KIF2C: variants seen among roughly 807,000 people sequenced by gnomAD.
The protein encoded by KIF2C is kinesin-like protein KIF2C.
A neutral mutation model predicts 97.4 loss-of-function variants in KIF2C; 34 were observed. The ratio of observed to expected loss-of-function variants is 0.35; its 90% CI spans 0.27 to 0.46. The LOEUF (loss-of-function observed/expected upper bound fraction) is 0.46, where lower values mean the gene tolerates loss of function less well. Ranked by LOEUF, KIF2C falls within the 20% of genes least tolerant of loss-of-function variation. The probability of loss-of-function intolerance (pLI) is 1.00; values close to 1 mark genes in which losing one functional copy is unlikely to be tolerated. For synonymous variants in KIF2C, 313 were observed against 318.2 expected, an observed-to-expected ratio of 0.98 and a Z score of 0.17; for missense variants, 750 against 907.6, an observed-to-expected ratio of 0.83 and a Z score of 2.23.
chr1:44,759,278 G>A lies in KIF2C; in HGVS notation c.1297G>A (p.Gly433Arg), dbSNP rs1251999570. ...CGGCAAGCAACAGGTGCAAGTGGTG[G>A]GGCTGCAGGAGCATCTGGTTAACTC... ...EDGKQQVQVV[G>R]LQEHLVNSAD... The change falls in exon 14 of 21, where the codon GGG becomes AGG. Residue 433 changes from glycine to arginine, a missense_variant. Physicochemically the swap from Gly to Arg is moderately radical, Grantham distance 125. Transcript: ENST00000372224. 6.2e-7 allele frequency: 1 copy of A among 1,614,070 alleles called. No homozygotes were observed. The highest frequency in any genetic ancestry group is 2.2e-5 in the East Asian group (1 of 44,898).
intron 1 of KIF2C, 29 bp downstream of exon 1, chr1:44,740,031 G>A: frequency 6.2e-7 from 1 of 1,614,010 alleles, no homozygotes; most frequent in Middle Eastern, 1.6e-4. Flanking sequence ...AGGTCAAGGG[G>A]ACTCGTGAGC....
intron 19 of KIF2C, among the ~76,000 whole-genome samples, chr1:44,765,883 C>T (rs1650436285): frequency 1.3e-5 from 2 of 152,138 alleles, no homozygotes. Context: ...GAAATCTTGT[C>T]TCTACTAAAA....
At chr1:44,741,800 G>A (rs956063383) in intron 2 of KIF2C, among the ~76,000 whole-genome samples, 1 of 151,804 alleles carries the variant, frequency 6.6e-6, no homozygotes, top group African/African-American at 2.4e-5. Flanking sequence ...GACCAGGCTG[G>A]GCAACATGAC....
intron 16 of KIF2C, 136 bp from the exon 17 acceptor site, chr1:44,761,779 TA>T: frequency 1.3e-6 from 1 of 789,508 alleles, no homozygotes; most frequent in Non-Finnish European, 2.2e-6. Flanking sequence ...AGCGCGGTGC[TA>T]AATGACTCCT....
At position 44,767,575 on chromosome 1, in the gene KIF2C, CT is replaced by C. The variant is rs138385810; in HGVS notation, c.*397del. 2,304 of 196,864 alleles carry C rather than the reference CT, an allele frequency of 0.012. 66 individuals carry two copies. The highest frequency in any genetic ancestry group is 0.051 in the African/African-American group (2,176 of 42,990). The allele number at this position is 196,864 out of a possible 1,614,324, so 12.2% of individuals were successfully genotyped here. A position where few individuals can be genotyped will look rare whatever the true frequency, so the allele number is the denominator to read the frequency against. The stretch of plus-strand genomic sequence containing the variant: ...AGCCTTTAGTACAGCTATCTGCTGG[CT>C]CTAAACCTTCTACGCCTTTGGGCCG... On this transcript the variant is annotated 3_prime_UTR_variant, in exon 21 of 21. Coordinates refer to ENST00000372224, the MANE Select transcript of KIF2C (RefSeq NM_006845.4).
At chr1:44,761,098 G>A (rs1053380473) in intron 16 of KIF2C, 1 of 208,540 alleles carries the variant, frequency 4.8e-6, no homozygotes, top group African/African-American at 2.3e-5. Context: ...GGATCATAAG[G>A]CTGTGTCCTT....
At chr1:44,762,021 A>T in intron 17 of KIF2C, 38 bp downstream of exon 17, 1 of 1,579,094 alleles carries the variant, frequency 6.3e-7, no homozygotes, top group Non-Finnish European at 8.7e-7. Flanking sequence ...GCGGAACAGG[A>T]CTGGGCAAGG....
chr1:44,754,917 T>A (rs1387225890), intron 8 of KIF2C, 72 bp downstream of exon 8: 2 of 910,396 alleles, frequency 2.2e-6, no homozygotes, highest in African/African-American at 1.7e-5. Flanking sequence ...TTTACAGGAA[T>A]GAGGGCATGC....
chr1:44,750,594 T>C, intron 5 of KIF2C, 30 bp downstream of exon 5: 1 of 1,493,082 alleles, frequency 6.7e-7, no homozygotes, highest in Non-Finnish European at 9.0e-7. Context: ...CCAACCACCA[T>C]GTTTGAGGCC....
intron 6 of KIF2C, 116 bp downstream of exon 6, chr1:44,753,370 G>T (rs1490632318): frequency 8.5e-7 from 1 of 1,179,354 alleles, no homozygotes; most frequent in Non-Finnish European, 1.2e-6. Flanking sequence ...GTCACGTGGG[G>T]GCATGTTTTC....
chr1:44,749,960 T>C (rs1377531645), intron 4 of KIF2C, among the ~76,000 whole-genome samples: 1 of 150,248 alleles, frequency 6.7e-6, no homozygotes, highest in African/African-American at 2.5e-5. Flanking sequence ...TGCACACCTG[T>C]AGTTCCAGCT....
rs765628143 is a variant in KIF2C, at chr1:44,756,076, A to G, written c.816A>G (p.Glu272=). The G allele has an allele frequency of 9.3e-6, 15 of 1,614,222 alleles. No homozygotes were observed. The highest frequency in any genetic ancestry group is 1.2e-5 in the Non-Finnish European group (14 of 1,180,026). ...CCCTGAAATACTCTCCTTCTGCAGA[A>G]TTGGCCAAGAAAGAAATTGATGTGA... is the stretch of plus-strand genomic sequence containing the variant. ...CVRKRPLNKQ[E]LAKKEIDVIS... The change falls in exon 10 of 21, where the codon GAA becomes GAG. Residue 272 remains glutamate (E), a splice_region_variant and synonymous_variant. Coordinates refer to ENST00000372224, the MANE Select transcript of KIF2C (RefSeq NM_006845.4).
At chr1:44,753,364 C>T (rs962151471) in intron 6 of KIF2C, 110 bp downstream of exon 6, 7 of 1,227,968 alleles carry the variant, frequency 5.7e-6, no homozygotes, top group South Asian at 3.3e-5. Flanking sequence ...CTGTTTGTCA[C>T]GTGGGGGCAT....
At position 44,747,786 on chromosome 1, in the gene KIF2C, T is replaced by C. The variant is rs370959226; in HGVS notation, c.316+86T>C. On this transcript the variant is annotated intron_variant, in intron 4 of 20. Transcript: ENST00000372224. The stretch of plus-strand genomic sequence containing the variant: ...ACTCAGAGTTGTGGAAGCTCCTCTT[T>C]TGCAGGTGGTTTCTATGTGGGTTGA... 29 of 1,227,326 alleles carry C rather than the reference T, an allele frequency of 2.4e-5. No individual in the cohort carries two copies. The Middle Eastern group carries it at 7.6e-4, about 32-fold the overall frequency. 76.0% of individuals were successfully genotyped at this position (1,227,326 alleles called of 1,614,324 possible).
Position 44,765,977 on chromosome 1 carries a change from G to A in KIF2C, c.1972-849G>A, listed in dbSNP as rs565065324. ...TGAGGCAGGAGAATCACTTGAACCC[G>A]GGAGGCGGAGGTTGCAGTGAGCCGA... On this transcript the variant is annotated intron_variant, in intron 19 of 20. Transcript: ENST00000372224. 1.2e-4 allele frequency among the ~76,000 whole-genome samples: 18 copies of A among 152,262 alleles called. No homozygotes were observed. In the South Asian group the frequency reaches 1.9e-3, roughly 16 times the overall value.
rs1425260154 is a variant in KIF2C at position 44,767,751 on chromosome 1, G to GT, written c.*575dup. On this transcript the variant is annotated 3_prime_UTR_variant, in exon 21 of 21. Transcript: ENST00000372224. ...AATAAAGAGAAAAAATAAATCAGCT[G>GT]TTTAAGTGTGTGGAAAGGGCCTGGG... is the stretch of plus-strand genomic sequence containing the variant. 2 of 155,678 alleles carry GT rather than the reference G, an allele frequency of 1.3e-5. No homozygotes were observed. The highest frequency in any genetic ancestry group is 2.9e-5 in the Non-Finnish European group (2 of 70,104). 9.6% of individuals were successfully genotyped at this position (155,678 alleles called of 1,614,324 possible).
chr1:44,746,708 C>T, intron 2 of KIF2C: 2 of 1,608,146 alleles, frequency 1.2e-6, no homozygotes, highest in Non-Finnish European at 1.7e-6. Context: ...TCATTCTCAT[C>T]ACTGACGTCT....
intron 17 of KIF2C, 130 bp from the exon 18 acceptor site, chr1:44,762,216 T>G (rs1650191938): frequency 3.1e-6 from 3 of 957,120 alleles, no homozygotes; most frequent in African/African-American, 1.6e-5. Flanking sequence ...GTTTTCTCTC[T>G]CCTTGGCTGA....
At chr1:44,746,597 G>A in intron 2 of KIF2C, 1 of 1,427,980 alleles carries the variant, frequency 7.0e-7, no homozygotes, top group East Asian at 2.7e-5. Flanking sequence ...GCTGTGCCCA[G>A]CAGGACCTCA....
Sources: gnomAD v4.1 joint callset for allele counts (sites outside exome capture counted in the v4.1 genomes callset) on GRCh38, gnomAD v4.1.1 for gene constraint, MANE v1.5 for transcripts, NCBI Gene and HGNC (gene_info 2026-07-23, HGNC 2026-07-21) for gene names.